ESRP1: variants seen among roughly 807,000 people sequenced by gnomAD.
ESRP1 encodes RNA-binding motif protein 35A.
In ESRP1, 33 loss-of-function variants were observed where a neutral mutation model predicts 81.7. The observed-to-expected ratio is 0.40, with a 90% CI of 0.31 to 0.54. The LOEUF is 0.54. Among genes scored for constraint, ESRP1 ranks in the 20% least tolerant of loss-of-function variants. The probability of loss-of-function intolerance (pLI) is 0.41; values close to 1 mark genes in which losing one functional copy is unlikely to be tolerated. For missense variants in ESRP1, 672 were observed against 833.1 expected (o/e 0.81, Z 2.38); for synonymous variants, 320 against 303.3 (o/e 1.06, Z -0.57).
At chr8:94,648,436 T>G (rs1817947383) in intron 4 of ESRP1, among the ~76,000 whole-genome samples, 1 of 152,264 alleles carries the variant, frequency 6.6e-6, no homozygotes, top group Admixed American at 6.5e-5. Context: ...TTTCCCTGTC[T>G]AGGCTACCAG....
At chr8:94,670,177 T>G (rs1819243364) in intron 10 of ESRP1, among the ~76,000 whole-genome samples, 1 of 152,210 alleles carries the variant, frequency 6.6e-6, no homozygotes, top group Non-Finnish European at 1.5e-5. Flanking sequence ...CCTTCTTGAT[T>G]TATTTAATAA....
intron 13 of ESRP1, among the ~76,000 whole-genome samples, chr8:94,684,176 T>A (rs146138875): frequency 6.8e-4 from 103 of 152,306 alleles, no homozygotes; most frequent in African/African-American, 2.4e-3. Flanking sequence ...GTTACCAAAC[T>A]TTTTTGACAG....
In ESRP1 at chr8:94,668,190, A is replaced by G; in HGVS notation, c.1173A>G (p.Lys391=). 1 of 1,613,628 alleles carries G rather than the reference A, an allele frequency of 6.2e-7. No homozygotes were observed. Among genetic ancestry groups the G allele is most frequent in the South Asian group, 1.1e-5 (1 of 91,018 alleles). ...EYAQNALRKH[K]DLLGKRYIEL... is the part of the protein sequence containing the mutation. ...CACAGAATGCGTTGAGGAAGCATAA[A>G]GACTTGTTGGGTAAAAGATACATTG... Residue 391 remains lysine (K), a synonymous_variant, in exon 10 of 16, where the codon AAA becomes AAG. Transcript: ENST00000433389.
intron 1 of ESRP1, 176 bp from the exon 2 acceptor site, chr8:94,641,780 G>T (rs77399168): frequency 3.2e-6 from 3 of 924,198 alleles, no homozygotes; most frequent in Admixed American, 3.4e-5. Context: ...CCTATCGGGT[G>T]GGGGGTGGGG....
At chr8:94,689,272 A>AAAAT (rs1809276170) in intron 13 of ESRP1, among the ~76,000 whole-genome samples, 1 of 142,662 alleles carries the variant, frequency 7.0e-6, no homozygotes, top group Non-Finnish European at 1.5e-5. Flanking sequence ...AAAAAAAAAA[A>AAAAT]AATCATATTT....
intron 10 of ESRP1, among the ~76,000 whole-genome samples, chr8:94,670,147 C>T (rs1337127800): frequency 1.3e-5 from 2 of 152,136 alleles, no homozygotes; most frequent in East Asian, 1.9e-4. Context: ...TTTGGGTGTG[C>T]ATTTTCTCTA....
intron 14 of ESRP1, among the ~76,000 whole-genome samples, chr8:94,694,729 C>T (rs1447789028): frequency 6.6e-6 from 1 of 152,202 alleles, no homozygotes; most frequent in East Asian, 1.9e-4. Flanking sequence ...TAACTTCAGT[C>T]TGTAGCAGTT....
chr8:94,691,582 G>C (rs7842716), intron 13 of ESRP1, among the ~76,000 whole-genome samples: 1 of 151,994 alleles, frequency 6.6e-6, no homozygotes, highest in Non-Finnish European at 1.5e-5. Flanking sequence ...AGTGATTTAA[G>C]CTTGCTGTGC....
chr8:94,643,331 A>G lies in ESRP1; in HGVS notation c.290A>G (p.Asn97Ser), dbSNP rs1563514407. ...QFNQSVSNELNIGVGTSFCLC... is the reference protein window; with the variant it reads ...QFNQSVSNELSIGVGTSFCLC... ...AACCAGTCAGTGAGCAATGAACTGAATATTGGAGTAGGGACTTCCTTCTGT... is the reference window on the plus strand; with the variant it reads ...AACCAGTCAGTGAGCAATGAACTGAGTATTGGAGTAGGGACTTCCTTCTGT... Residue 97 changes from asparagine (N) to serine (S), a missense_variant, in exon 3 of 16, where the codon AAT becomes AGT. Physicochemically the swap from Asn to Ser is conservative, Grantham distance 46 (BLOSUM62 1). Coordinates refer to ENST00000433389, the MANE Select transcript of ESRP1 (RefSeq NM_017697.4). 2 of 1,613,204 alleles carry G rather than the reference A, an allele frequency of 1.2e-6. No homozygotes were observed. The highest frequency in any genetic ancestry group is 1.3e-5 in the African/African-American group (1 of 74,922).
chr8:94,695,348 C>G (rs1249469218), intron 14 of ESRP1, among the ~76,000 whole-genome samples: 1 of 61,174 alleles, frequency 1.6e-5, no homozygotes, highest in Non-Finnish European at 3.1e-5. Context: ...CTTTTTCTTT[C>G]TTTTTTTTTT....
chr8:94,643,466 T>C (rs971175712), intron 3 of ESRP1, 50 bp downstream of exon 3: 5 of 1,288,680 alleles, frequency 3.9e-6, no homozygotes, highest in African/African-American at 3.0e-5. Flanking sequence ...TTGGGGTGAC[T>C]GGAGGTTTTT....
At chr8:94,677,508 C>A (rs1808693273) in intron 12 of ESRP1, among the ~76,000 whole-genome samples, 1 of 152,138 alleles carries the variant, frequency 6.6e-6, no homozygotes, top group Admixed American at 6.6e-5. Context: ...TCTGAGCCAG[C>A]TTTTTATTAG....
At chr8:94,650,059 T>C (rs1012138530) in intron 4 of ESRP1, among the ~76,000 whole-genome samples, 1 of 152,176 alleles carries the variant, frequency 6.6e-6, no homozygotes, top group Non-Finnish European at 1.5e-5. Context: ...GTGAAAGTGC[T>C]GTACCAGAGT....
intron 4 of ESRP1, among the ~76,000 whole-genome samples, chr8:94,655,059 G>GTTTTT (rs1447904652): frequency 1.9e-4 from 21 of 108,670 alleles, no homozygotes; most frequent in Non-Finnish European, 3.4e-4. Flanking sequence ...AGGTTTTTTG[G>GTTTTT]GTTTTTTGTG....
chr8:94,679,655 A>T (rs866006928), intron 13 of ESRP1, among the ~76,000 whole-genome samples: 1 of 148,484 alleles, frequency 6.7e-6, no homozygotes, highest in African/African-American at 2.5e-5. Context: ...CTGTAGGTCA[A>T]TTTTTTTTTT....
At chr8:94,689,811 C>CTTTTTTTTGTTTTTTTTTTTTTTT (rs1809304755) in intron 13 of ESRP1, among the ~76,000 whole-genome samples, 1 of 64,680 alleles carries the variant, frequency 1.5e-5, no homozygotes, top group Non-Finnish European at 3.0e-5. Context: ...TGATGCCTGG[C>CTTTTTTTTGTTTTTTTTTTTTTTT]TTTTTTTTTT....
intron 13 of ESRP1, among the ~76,000 whole-genome samples, chr8:94,686,428 C>T (rs1430501505): frequency 1.3e-5 from 2 of 152,214 alleles, no homozygotes; most frequent in African/African-American, 2.4e-5. Context: ...TTTCTGGATA[C>T]AAGCCTTTGG....
intron 2 of ESRP1, 65 bp downstream of exon 2, chr8:94,642,149 CT>C: frequency 6.4e-7 from 1 of 1,558,928 alleles, no homozygotes; most frequent in South Asian, 1.2e-5. Context: ...CCTACGCCCT[CT>C]CAGGGCGGCC....
chr8:94,689,158 C>T (rs1013381734), intron 13 of ESRP1, among the ~76,000 whole-genome samples: 5 of 145,586 alleles, frequency 3.4e-5, no homozygotes, highest in East Asian at 4.0e-4. Context: ...GGCTGAGGCA[C>T]GAGAATTGCT....
Sources: allele counts gnomAD v4.1 joint callset (sites outside exome capture counted in the v4.1 genomes callset), GRCh38; gene constraint gnomAD v4.1.1; transcripts MANE v1.5; gene names NCBI Gene and HGNC (gene_info 2026-07-23, HGNC 2026-07-21).